The following SLC28A1 variants were observed in gnomAD, a reference collection of about 807,000 sequenced individuals.
SLC28A1 encodes solute carrier family 28 member 1, also known as sodium/nucleoside cotransporter 1.
In SLC28A1, 64 loss-of-function variants were observed where a neutral mutation model predicts 74.8. The ratio of observed to expected loss-of-function variants is 0.86; its 90% CI spans 0.70 to 1.05. The LOEUF (loss-of-function observed/expected upper bound fraction) is 1.05. Ranked by LOEUF, SLC28A1 falls within the 50% of genes least tolerant of loss-of-function variation. SLC28A1 has a pLI of 0.00. For synonymous variants in SLC28A1, 359 were observed against 335.0 expected (o/e 1.07, Z -0.78); for missense variants, 828 against 822.8 (o/e 1.01, Z -0.08).
At position 84,890,463 on chromosome 15, in the gene SLC28A1, T is replaced by G. The variant is rs535804371; in HGVS notation, c.206T>G (p.Leu69Arg). Residue 69 changes from leucine to arginine, a missense_variant, in exon 5 of 19, where the codon CTG (leucine) becomes CGG (arginine). Physicochemically the swap from Leu to Arg is moderately radical, Grantham distance 102 (BLOSUM62 -2). This residue lies in a region of SLC28A1 where 767 missense variants were observed against 753.5 expected (regional missense o/e 1.02). Coordinates refer to ENST00000394573, the MANE Select transcript of SLC28A1 (RefSeq NM_004213.5). ...CCCAGGAGGAACCTGCAGCCAGCCCTGAGAGCCAGAAGCTTCTGCAGGGAG... is the reference window on the plus strand; with the variant it reads ...CCCAGGAGGAACCTGCAGCCAGCCCGGAGAGCCAGAAGCTTCTGCAGGGAG... ...FSRWRNLQPA[L>R]RARSFCREHM... 100 of 1,609,712 alleles carry G rather than the reference T, an allele frequency of 6.2e-5. No individual in the cohort carries two copies. Among genetic ancestry groups the G allele is most frequent in the Middle Eastern group, 2.2e-4 (1 of 4,594 alleles).
rs554690747 is a variant in SLC28A1 at position 84,936,446 on chromosome 15, C to T, written c.1581+928C>T. ...CTAATTTTTGGATTTTTAGTAGAGACGGGGTTCACCATGTTGGCCAGTCTG... is the reference window on the plus strand; with the variant it reads ...CTAATTTTTGGATTTTTAGTAGAGATGGGGTTCACCATGTTGGCCAGTCTG... On this transcript the variant is annotated intron_variant, in intron 15 of 18. Transcript: ENST00000394573. Among the ~76,000 whole-genome samples, 56 of 152,004 alleles carry T rather than the reference C, an allele frequency of 3.7e-4. 2 individuals are homozygous for T. In the East Asian group the frequency reaches 9.9e-3, roughly 27 times the overall value.
At chr15:84,928,578 CTT>C (rs1223639244) in intron 12 of SLC28A1, among the ~76,000 whole-genome samples, 11 of 24,350 alleles carry the variant, frequency 4.5e-4, no homozygotes, top group African/African-American at 1.3e-3. Flanking sequence ...TTCTTTCTTT[CTT>C]TCTTTCTTTC....
the SLC28A1 span, among the ~76,000 whole-genome samples, chr15:84,970,209 C>G: frequency 6.6e-6 from 1 of 152,142 alleles, no homozygotes; most frequent in Admixed American, 6.5e-5. Flanking sequence ...GCTTTCTCAC[C>G]CAGTCATTCC....
intron 10 of SLC28A1, among the ~76,000 whole-genome samples, chr15:84,920,042 A>T (rs1969612811): frequency 6.6e-6 from 1 of 152,206 alleles, no homozygotes; most frequent in Non-Finnish European, 1.5e-5. Flanking sequence ...AAGTTAGGGG[A>T]GGATAGCTGT....
chr15:84,912,295 A>G (rs956028766), intron 9 of SLC28A1, among the ~76,000 whole-genome samples: 1 of 152,184 alleles, frequency 6.6e-6, no homozygotes, highest in Non-Finnish European at 1.5e-5. Flanking sequence ...CTTTCTATGA[A>G]TCATACAGAC....
chr15:84,894,372 CAAA>C (rs11408601), intron 5 of SLC28A1, among the ~76,000 whole-genome samples: 3 of 134,318 alleles, frequency 2.2e-5, no homozygotes, highest in Admixed American at 7.6e-5. Context: ...ACCCTATCTC[CAAA>C]AAAAAAAAAA....
At chr15:84,963,851 C>G in the SLC28A1 span, among the ~76,000 whole-genome samples, 1 of 152,192 alleles carries the variant, frequency 6.6e-6, no homozygotes, top group Non-Finnish European at 1.5e-5. Context: ...CTAGCCATTT[C>G]CTAGCACAGC....
intron 1 of SLC28A1, 100 bp downstream of exon 1, chr15:84,884,851 T>G: frequency 1.8e-6 from 1 of 547,382 alleles, no homozygotes; most frequent in Admixed American, 6.4e-5. Context: ...TAGCGTCCTT[T>G]TTTTCTTCAC....
intron 7 of SLC28A1, 123 bp downstream of exon 7, chr15:84,904,361 C>T: frequency 7.2e-7 from 1 of 1,395,522 alleles, no homozygotes; most frequent in South Asian, 1.2e-5. Flanking sequence ...AGGCTCAGGG[C>T]CTGGAGAAGG....
At chr15:84,943,250 A>G (rs1972919051) in intron 15 of SLC28A1, among the ~76,000 whole-genome samples, 195 bp from the exon 16 acceptor site, 2 of 152,156 alleles carry the variant, frequency 1.3e-5, no homozygotes, top group African/African-American at 4.8e-5. Flanking sequence ...GAGGGGGGCT[A>G]TGTTTTTGAT....
intron 15 of SLC28A1, among the ~76,000 whole-genome samples, chr15:84,937,811 T>C (rs1038249724): frequency 1.3e-5 from 2 of 152,066 alleles, no homozygotes; most frequent in African/African-American, 4.8e-5. Context: ...GCACGAGAAT[T>C]TCTTGAACCT....
chr15:84,974,847 G>A, the SLC28A1 span, among the ~76,000 whole-genome samples: 7 of 152,142 alleles, frequency 4.6e-5, no homozygotes, highest in East Asian at 3.8e-4. Context: ...TTCCCTGGAC[G>A]TGTGCTATTT....
chr15:84,950,368 T>C (rs1028010696), downstream of SLC28A1, among the ~76,000 whole-genome samples: 2 of 108,866 alleles, frequency 1.8e-5, no homozygotes, highest in African/African-American at 2.9e-5. Context: ...CCTTTTTTTT[T>C]TTTTTTTTTT....
rs551947363 is a variant in SLC28A1, at chr15:84,924,032, C to G, written c.1005C>G (p.Leu335=). ...GGCCCTACTTGGCAGACATGACACT[C>G]TCTGAAGTCCACGTTGTCATGACCG... The part of the protein sequence containing the change: ...LIRPYLADMT[L]SEVHVVMTGG... The change falls in exon 12 of 19, where the codon CTC becomes CTG. Residue 335 remains leucine, a synonymous_variant. Coordinates refer to ENST00000394573, the MANE Select transcript of SLC28A1 (RefSeq NM_004213.5). The G allele has an allele frequency of 1.5e-5, 25 of 1,614,052 alleles. No homozygotes were observed. The African/African-American group carries it at 2.1e-4, about 14-fold the overall frequency.
chr15:84,891,489 G>A (rs961596991), intron 5 of SLC28A1, among the ~76,000 whole-genome samples: 1 of 152,212 alleles, frequency 6.6e-6, no homozygotes, highest in African/African-American at 2.4e-5. Flanking sequence ...GGCCATCTGA[G>A]GGAGAGAGGA....
chr15:84,934,989 A>T, intron 13 of SLC28A1, 37 bp from the exon 14 acceptor site: 1 of 1,594,878 alleles, frequency 6.3e-7, no homozygotes, highest in Non-Finnish European at 8.6e-7. Context: ...GGTTGTGGAG[A>T]CAGGCCAGTA....
rs188461446 is a variant in SLC28A1, at chr15:84,926,904, A to G, written c.1083+2794A>G. ...TCTCTCATCTCTGTCCCTGGGGATG[A>G]TGAGAGATGGGTGAACAAACAGCCA... On this transcript the variant is annotated intron_variant, in intron 12 of 18. Coordinates refer to ENST00000394573, the MANE Select transcript of SLC28A1 (RefSeq NM_004213.5). Among the ~76,000 whole-genome samples, 97 of 152,058 alleles carry G rather than the reference A, an allele frequency of 6.4e-4. 1 individual carries two copies. The highest frequency in any genetic ancestry group is 2.0e-3 in the African/African-American group (84 of 41,468).
chr15:84,889,961 G>T (rs1396083541), intron 4 of SLC28A1, among the ~76,000 whole-genome samples: 3 of 150,354 alleles, frequency 2.0e-5, no homozygotes, highest in Non-Finnish European at 4.4e-5. Flanking sequence ...TCAGCTTCTT[G>T]AGCAGCTGGG....
chr15:84,963,329 C>T, the SLC28A1 span, among the ~76,000 whole-genome samples: 2 of 152,282 alleles, frequency 1.3e-5, no homozygotes, highest in Non-Finnish European at 2.9e-5. Context: ...TACACCCTCT[C>T]CCCAGGAGTG....
Sources: gnomAD v4.1 joint callset for allele counts (sites outside exome capture counted in the v4.1 genomes callset) on GRCh38, gnomAD v4.1.1 for gene constraint, gnomAD v4.1.1 regional missense constraint, MANE v1.5 for transcripts, NCBI Gene and HGNC (gene_info 2026-07-23, HGNC 2026-07-21) for gene names.